Variants in CPHXL2 observed in about 807,000 individuals in gnomAD.
The protein encoded by CPHXL2 is cytoplasmic polyadenylated homeobox-like protein 2.
the CPHXL2 span, among the ~76,000 whole-genome samples, chr16:75,673,650 T>C: frequency 6.6e-6 from 1 of 152,110 alleles, no homozygotes; most frequent in South Asian, 2.1e-4. Flanking sequence ...TCTTAGTAAA[T>C]GGCTGATTCT....
chr16:75,675,182 G>C, the CPHXL2 span, among the ~76,000 whole-genome samples: 1 of 142,576 alleles, frequency 7.0e-6, no homozygotes, highest in Non-Finnish European at 1.5e-5. Flanking sequence ...GAGTGAGACT[G>C]TCTCAAAAGA....
At chr16:75,660,258 C>T in the CPHXL2 span, 2 of 398,146 alleles carry the variant, frequency 5.0e-6, no homozygotes, top group Non-Finnish European at 8.8e-6. Context: ...TGATACTTAG[C>T]AATACTTTGC....
chr16:75,673,039 C>T, the CPHXL2 span, among the ~76,000 whole-genome samples: 1 of 144,936 alleles, frequency 6.9e-6, no homozygotes, highest in South Asian at 2.2e-4. Flanking sequence ...CGTGCCACTG[C>T]ACTCCAGCTG....
the CPHXL2 span, chr16:75,661,162 G>C: frequency 5.0e-6 from 2 of 400,646 alleles, no homozygotes; most frequent in Non-Finnish European, 8.8e-6. Flanking sequence ...GGACAGGCTT[G>C]GACTGGGAAA....
chr16:75,673,568 T>A, the CPHXL2 span, among the ~76,000 whole-genome samples: 1 of 152,118 alleles, frequency 6.6e-6, no homozygotes, highest in Non-Finnish European at 1.5e-5. Flanking sequence ...TAAACCCCCT[T>A]AGTAACCAGC....
the CPHXL2 span, among the ~76,000 whole-genome samples, chr16:75,662,023 A>T: frequency 2.0e-5 from 3 of 152,180 alleles, no homozygotes; most frequent in Non-Finnish European, 4.4e-5. Context: ...GTCCTGCAAG[A>T]CTGCCCCTCC....
the CPHXL2 span, among the ~76,000 whole-genome samples, chr16:75,668,211 C>CTA: frequency 5.0e-3 from 701 of 140,224 alleles, 29 homozygotes; most frequent in Admixed American, 0.044. Flanking sequence ...CTCTCTCTCT[C>CTA]TCTATATATA....
chr16:75,663,250 A>G, the CPHXL2 span, among the ~76,000 whole-genome samples: 1 of 152,212 alleles, frequency 6.6e-6, no homozygotes, highest in Non-Finnish European at 1.5e-5. Context: ...AGGATCTTTG[A>G]TCCACACACA....
At chr16:75,673,075 C>CAAAAAAAAAAAAAAAAAAAAAA in the CPHXL2 span, among the ~76,000 whole-genome samples, 16 of 73,148 alleles carry the variant, frequency 2.2e-4, no homozygotes, top group African/African-American at 4.4e-4. Flanking sequence ...GACCTTGTCT[C>CAAAAAAAAAAAAAAAAAAAAAA]AAAAAAAAAA....
the CPHXL2 span, chr16:75,669,414 G>A: frequency 2.5e-6 from 1 of 400,650 alleles, no homozygotes; most frequent in Non-Finnish European, 4.4e-6. Context: ...TTTTCCTAGT[G>A]GTGAAATCAG....
the CPHXL2 span, among the ~76,000 whole-genome samples, chr16:75,668,248 A>T: frequency 3.3e-4 from 42 of 129,052 alleles, no homozygotes; most frequent in Admixed American, 2.4e-3. Flanking sequence ...TTTTTTTTTG[A>T]GACAGAGCCT....
chr16:75,668,231 A>ACATAT, the CPHXL2 span, among the ~76,000 whole-genome samples: 1 of 74,460 alleles, frequency 1.3e-5, no homozygotes, highest in African/African-American at 7.6e-5. Context: ...ATACATATAT[A>ACATAT]TTTTTTTTTT....
the CPHXL2 span, among the ~76,000 whole-genome samples, chr16:75,676,097 A>T: frequency 6.6e-6 from 1 of 152,062 alleles, no homozygotes; most frequent in East Asian, 1.9e-4. Flanking sequence ...AAAAAGAAAA[A>T]TACAAAACAC....
the CPHXL2 span, among the ~76,000 whole-genome samples, chr16:75,670,041 A>G: frequency 1.9e-3 from 285 of 152,136 alleles, no homozygotes; most frequent in Non-Finnish European, 3.2e-3. Flanking sequence ...CAGCCTCCCA[A>G]GTAGCTGGGA....
chr16:75,664,294 A>G, the CPHXL2 span, among the ~76,000 whole-genome samples: 1 of 152,152 alleles, frequency 6.6e-6, no homozygotes, highest in African/African-American at 2.4e-5. Flanking sequence ...AACTTTCTAA[A>G]TTGATTAAGA....
At chr16:75,670,955 G>A in the CPHXL2 span, among the ~76,000 whole-genome samples, 2 of 151,948 alleles carry the variant, frequency 1.3e-5, no homozygotes, top group Non-Finnish European at 2.9e-5. Flanking sequence ...ATCTCCACTC[G>A]GGCTATTCTC....
the CPHXL2 span, among the ~76,000 whole-genome samples, chr16:75,667,924 C>G: frequency 1.3e-5 from 2 of 152,178 alleles, no homozygotes; most frequent in Non-Finnish European, 2.9e-5. Flanking sequence ...TTTGAGTCCA[C>G]CTTACCTTTC....
chr16:75,667,683 A>G, the CPHXL2 span, among the ~76,000 whole-genome samples: 3 of 152,242 alleles, frequency 2.0e-5, no homozygotes, highest in Admixed American at 6.5e-5. Flanking sequence ...TTATTCATAA[A>G]CAGGCAATTT....
the CPHXL2 span, among the ~76,000 whole-genome samples, chr16:75,675,952 G>A: frequency 2.0e-5 from 3 of 152,104 alleles, no homozygotes; most frequent in East Asian, 1.9e-4. Context: ...GGTGGTGGGC[G>A]TCTGTAATCC....
Sources: allele counts gnomAD v4.1 joint callset (sites outside exome capture counted in the v4.1 genomes callset), GRCh38; gene constraint gnomAD v4.1.1; transcripts MANE v1.5; gene names NCBI Gene and HGNC (gene_info 2026-07-23, HGNC 2026-07-21).